The following SUPT5H variants were observed in gnomAD, a reference collection of about 807,000 sequenced individuals.
The protein encoded by SUPT5H is transcription elongation factor SPT5.
Under a neutral mutation model 142.5 loss-of-function variants are expected in SUPT5H, and 24 were observed. The ratio of observed to expected loss-of-function variants is 0.17; its 90% CI spans 0.12 to 0.24. The LOEUF is 0.24. SUPT5H is among the 10% of genes least tolerant of loss of function. The pLI, the probability that SUPT5H is intolerant of heterozygous loss-of-function variation, is 1.00. For synonymous variants in SUPT5H, 546 were observed against 553.0 expected (o/e 0.99, Z 0.18); for missense variants, 893 against 1,471.8 (o/e 0.61, Z 6.43).
At position 39,471,423 on chromosome 19, in the gene SUPT5H, C is replaced by A. The variant is rs2079318593; in HGVS notation, c.1744C>A (p.Arg582Ser). The A allele has an allele frequency of 6.2e-7, 1 of 1,614,196 alleles. No individual in the cohort carries two copies. The highest frequency in any genetic ancestry group is 8.5e-7 in the Non-Finnish European group (1 of 1,180,032). Residue 582 changes from arginine to serine, a missense_variant, in exon 19 of 30, where the codon CGC becomes AGC. Transcript: ENST00000432763. ...HQAVTRKKDN[R>S]FAVALDSEQN... ...GGCTGTGACCCGGAAGAAGGACAACCGCTTTGCTGTGGCCTTGGACTCAGA... is the reference window on the plus strand; with the variant it reads ...GGCTGTGACCCGGAAGAAGGACAACAGCTTTGCTGTGGCCTTGGACTCAGA...
intron 10 of SUPT5H, among the ~76,000 whole-genome samples, chr19:39,464,413 G>T (rs1031015440): frequency 8.6e-5 from 13 of 152,036 alleles, no homozygotes; most frequent in Admixed American, 6.6e-5. Flanking sequence ...AGGCTGGAGT[G>T]CAGTGGTGCG....
chr19:39,448,638 G>A (rs917505699), intron 2 of SUPT5H, among the ~76,000 whole-genome samples: 2 of 152,100 alleles, frequency 1.3e-5, no homozygotes, highest in African/African-American at 4.8e-5. Context: ...CCCACTGCCA[G>A]GGACAGGATT....
At chr19:39,461,821 C>CAAAAAAA (rs747295729) in intron 10 of SUPT5H, among the ~76,000 whole-genome samples, 5 of 128,412 alleles carry the variant, frequency 3.9e-5, no homozygotes, top group Admixed American at 7.8e-5. Context: ...GAGACTGTCT[C>CAAAAAAA]AAAAAAAAAA....
intron 2 of SUPT5H, among the ~76,000 whole-genome samples, chr19:39,451,027 A>T (rs1034184015): frequency 3.9e-5 from 6 of 152,286 alleles, no homozygotes; most frequent in African/African-American, 1.2e-4. Flanking sequence ...AGGTGAGTAG[A>T]TTTGAAGAAA....
Position 39,469,605 on chromosome 19 carries a change from C to T in SUPT5H, c.1374+207C>T. On this transcript the variant is annotated intron_variant, in intron 16 of 29. Transcript: ENST00000432763. The surrounding 1 kb of genome is among the most constrained non-coding windows in gnomAD (Gnocchi z 5.1). ...CAGGCCTGCCTGGTGGTGTCTGTCT[C>T]TGGAGAGTGACTTGGTCTATCTTTT... 4.5e-6 allele frequency: 3 copies of T among 661,534 alleles called. No homozygotes were observed. Among genetic ancestry groups the T allele is most frequent in the Non-Finnish European group, 5.1e-6 (2 of 390,362 alleles). The allele number at this position is 661,534 out of a possible 1,614,324, so 41.0% of individuals were successfully genotyped here.
At chr19:39,464,068 C>T (rs1460701713) in intron 10 of SUPT5H, among the ~76,000 whole-genome samples, 1 of 150,754 alleles carries the variant, frequency 6.6e-6, no homozygotes. Context: ...ACCGCAACCT[C>T]CACCTCCCGG....
chr19:39,462,902 C>T (rs547079886), intron 10 of SUPT5H, among the ~76,000 whole-genome samples: 5 of 139,306 alleles, frequency 3.6e-5, no homozygotes, highest in African/African-American at 1.1e-4. Flanking sequence ...TGCAATGATG[C>T]GATCTCGGCT....
chr19:39,457,558 T>A (rs1164533308), intron 3 of SUPT5H, 117 bp from the exon 4 acceptor site: 7 of 1,511,134 alleles, frequency 4.6e-6, no homozygotes, highest in Non-Finnish European at 6.2e-6. Flanking sequence ...GGAGCCTCAG[T>A]GTCCTGCTCT....
chr19:39,470,135 C>T lies in SUPT5H; in HGVS notation c.1391C>T (p.Pro464Leu), dbSNP rs780448197. The T allele has an allele frequency of 8.7e-6, 14 of 1,613,078 alleles. No homozygotes were observed. Among genetic ancestry groups the T allele is most frequent in the Non-Finnish European group, 1.1e-5 (13 of 1,179,474 alleles). ...ATCCCCCAGGACATGTTGGAGTTCC[C>T]AGCCCAGGAACTTAGAAAATACTTC... ...HEDLKDMLEFPAQELRKYFKM... is the reference protein window; with the variant it reads ...HEDLKDMLEFLAQELRKYFKM... Residue 464 changes from proline to leucine, a missense_variant, in exon 17 of 30, where the codon CCA becomes CTA. Around this residue, in one of 6 missense-constraint regions of SUPT5H, gnomAD observed 428 missense variants for 763.5 expected, o/e 0.56. Coordinates refer to ENST00000432763, the MANE Select transcript of SUPT5H (RefSeq NM_001111020.3). This position sits in a 1 kb window ranked among gnomAD's most constrained non-coding sequence, Gnocchi z 5.8.
At chr19:39,447,737 C>A (rs1291606585) in intron 2 of SUPT5H, among the ~76,000 whole-genome samples, 1 of 152,164 alleles carries the variant, frequency 6.6e-6, no homozygotes, top group East Asian at 1.9e-4. Context: ...ACCTTTTAAA[C>A]TTATTTTTGT....
chr19:39,466,520 A>G lies in SUPT5H; in HGVS notation c.917A>G (p.Lys306Arg). The change falls in exon 12 of 30, where the codon AAG (lysine) becomes AGG (arginine). Residue 306 changes from lysine (K) to arginine (R), a missense_variant. Coordinates refer to ENST00000432763, the MANE Select transcript of SUPT5H (RefSeq NM_001111020.3). The surrounding 1 kb of genome is among the most constrained non-coding windows in gnomAD (Gnocchi z 4.3). ...CCCAGCCAGAACACCATCTCCCTGA[A>G]GATGATCCCACGCATCGACTACGAT... is the stretch of plus-strand genomic sequence containing the variant. ...VEPSQNTISLKMIPRIDYDRI... is the reference protein window; with the variant it reads ...VEPSQNTISLRMIPRIDYDRI... 1 of 1,614,150 alleles carries G rather than the reference A, an allele frequency of 6.2e-7. No homozygotes were observed. Among genetic ancestry groups the G allele is most frequent in the Non-Finnish European group, 8.5e-7 (1 of 1,180,032 alleles).
At chr19:39,463,865 C>T (rs1013143095) in intron 10 of SUPT5H, among the ~76,000 whole-genome samples, 9 of 152,082 alleles carry the variant, frequency 5.9e-5, no homozygotes, top group African/African-American at 2.2e-4. Flanking sequence ...ATTCTATCTT[C>T]CTGATGGATT....
rs1313925021 is a variant in SUPT5H, at chr19:39,472,747, C to T, written c.2036-63C>T. The T allele has an allele frequency of 1.3e-5, 20 of 1,560,612 alleles. No homozygotes were observed. The highest frequency in any genetic ancestry group is 1.7e-5 in the Non-Finnish European group (19 of 1,151,264). ...GAGTCAAGCAAGTGAAGGGGACGTTCTGATGGTGCCCTTGCTGTGGGCACA... is the reference window on the plus strand; with the variant it reads ...GAGTCAAGCAAGTGAAGGGGACGTTTTGATGGTGCCCTTGCTGTGGGCACA... On this transcript the variant is annotated intron_variant, in intron 21 of 29. Transcript: ENST00000432763. The surrounding 1 kb of genome is among the most constrained non-coding windows in gnomAD (Gnocchi z 4.2).
At chr19:39,454,661 T>A (rs1229778810) in intron 3 of SUPT5H, among the ~76,000 whole-genome samples, 1 of 152,148 alleles carries the variant, frequency 6.6e-6, no homozygotes, top group Non-Finnish European at 1.5e-5. Context: ...AAAAAAAGAT[T>A]TTTTATATTT....
chr19:39,473,631 C>G lies in SUPT5H; in HGVS notation c.2492+110C>G. On this transcript the variant is annotated intron_variant, in intron 25 of 29. Transcript: ENST00000432763. The surrounding 1 kb of genome is among the most constrained non-coding windows in gnomAD (Gnocchi z 5.8). ...TGGGGCCCACCCAGCATTCTCTGCT[C>G]CTAGCCTCAGGCTGGTCCCTTTGAA... 3 of 1,266,858 alleles carry G rather than the reference C, an allele frequency of 2.4e-6. No individual in the cohort carries two copies. Among genetic ancestry groups the G allele is most frequent in the African/African-American group, 1.5e-5 (1 of 67,120 alleles). The allele number at this position is 1,266,858 out of a possible 1,614,324, so 78.5% of individuals were successfully genotyped here.
At chr19:39,455,298 A>G (rs147062575) in intron 3 of SUPT5H, among the ~76,000 whole-genome samples, 5,378 of 152,126 alleles carry the variant, frequency 0.035, 123 homozygotes, top group Non-Finnish European at 0.056. Context: ...GTGGTGGCTC[A>G]TGCTTGTAAT....
chr19:39,472,773 G>A lies in SUPT5H; in HGVS notation c.2036-37G>A, dbSNP rs201232697. 6.0e-5 allele frequency: 96 copies of A among 1,594,620 alleles called. No homozygotes were observed. The African/African-American group carries it at 1.2e-3, about 20-fold the overall frequency. On this transcript the variant is annotated intron_variant, in intron 21 of 29. Transcript: ENST00000432763. The surrounding 1 kb of genome is among the most constrained non-coding windows in gnomAD (Gnocchi z 4.2). ...TGATGGTGCCCTTGCTGTGGGCACA[G>A]CCGTGGGGGACCAGTGACATTCTCC...
At position 39,457,991 on chromosome 19, in the gene SUPT5H, C is replaced by T. The variant is rs2079112533; in HGVS notation, c.307+251C>T. 1.5e-5 allele frequency: 12 copies of T among 789,818 alleles called. No homozygotes were observed. In the Admixed American group the frequency reaches 2.5e-4, roughly 17 times the overall value. 48.9% of individuals were successfully genotyped at this position (789,818 alleles called of 1,614,324 possible). A position where few individuals can be genotyped will look rare whatever the true frequency, so the allele number is the denominator to read the frequency against. ...TGGGATCCCAGGGCCCAGTGAATCC[C>T]TTCTGGGGTTGTAGGGTGGGCGAGC... On this transcript the variant is annotated intron_variant, in intron 4 of 29. Transcript: ENST00000432763.
Position 39,466,829 on chromosome 19 carries a change from G to A in SUPT5H, c.1037+84G>A. The A allele has an allele frequency of 7.2e-7, 1 of 1,383,854 alleles. No homozygotes were observed. Among genetic ancestry groups the A allele is most frequent in the Non-Finnish European group, 1.0e-6 (1 of 972,630 alleles). The allele number at this position is 1,383,854 out of a possible 1,614,324, so 85.7% of individuals were successfully genotyped here. On this transcript the variant is annotated intron_variant, in intron 13 of 29. Transcript: ENST00000432763. The surrounding 1 kb of genome is among the most constrained non-coding windows in gnomAD (Gnocchi z 4.3). ...CTTTTGCAGGTTCCTCCCCAGGGGT[G>A]GCCCCGCCACAGGTTTAGCCTGTGA...
Sources: allele counts gnomAD v4.1 joint callset (sites outside exome capture counted in the v4.1 genomes callset), GRCh38; gene constraint gnomAD v4.1.1; regional missense constraint gnomAD v4.1.1; non-coding constraint Gnocchi (gnomAD v3.1); transcripts MANE v1.5; gene names NCBI Gene and HGNC (gene_info 2026-07-23, HGNC 2026-07-21).